The following PHF14 variants were observed in gnomAD, a reference collection of about 807,000 sequenced individuals.
The protein encoded by PHF14 is PHD finger protein 14.
Under a neutral mutation model 117.9 loss-of-function variants are expected in PHF14, and 55 were observed. That is an observed-to-expected ratio of 0.47 (90% CI 0.38 to 0.58). The LOEUF (loss-of-function observed/expected upper bound fraction) is 0.58. Among genes scored for constraint, PHF14 ranks in the 20% least tolerant of loss-of-function variants. PHF14 has a pLI of 0.00. For synonymous variants in PHF14, 409 were observed against 368.6 expected (o/e 1.11, Z -1.26); for missense variants, 978 against 1,122.2 (o/e 0.87, Z 1.84).
chr7:11,057,414 G>T (rs566920930), intron 14 of PHF14, among the ~76,000 whole-genome samples: 2 of 151,652 alleles, frequency 1.3e-5, no homozygotes, highest in South Asian at 2.1e-4. Flanking sequence ...TTGCTCTGTC[G>T]CCCAGGCTGG....
At chr7:11,139,689 G>A (rs1206904022) in intron 17 of PHF14, among the ~76,000 whole-genome samples, 3 of 152,150 alleles carry the variant, frequency 2.0e-5, no homozygotes, top group Non-Finnish European at 2.9e-5. Context: ...TTGTGTGTCA[G>A]TCATTTACCT....
rs1240739483 is a variant in PHF14 at position 11,130,548 on chromosome 7, G to C, written c.2772+19081G>C. On this transcript the variant is annotated intron_variant, in intron 17 of 17. Transcript: ENST00000634607. The surrounding 1 kb of genome is among the most constrained non-coding windows in gnomAD (Gnocchi z 4.2). ...GCAGTTTTAGGTTTATAGAAAAATG[G>C]AGTTAAAACTACAGATTTCCCATAT... Among the ~76,000 whole-genome samples the C allele has an allele frequency of 6.6e-6, 1 of 151,560 alleles. No individual in the cohort carries two copies. Among genetic ancestry groups the C allele is most frequent in the Non-Finnish European group, 1.5e-5 (1 of 67,764 alleles).
At chr7:11,035,192 A>G (rs938737095) in intron 7 of PHF14, among the ~76,000 whole-genome samples, 2 of 152,020 alleles carry the variant, frequency 1.3e-5, no homozygotes, top group Non-Finnish European at 2.9e-5. Flanking sequence ...ACATTTGTGT[A>G]TTAGGTATTA....
chr7:11,078,443 G>A (rs1159210841), intron 16 of PHF14, among the ~76,000 whole-genome samples: 1 of 152,102 alleles, frequency 6.6e-6, no homozygotes, highest in Non-Finnish European at 1.5e-5. Flanking sequence ...GGGAGAGGCT[G>A]TATAACCATG....
intron 17 of PHF14, among the ~76,000 whole-genome samples, chr7:11,124,995 G>A (rs1371592828): frequency 2.0e-5 from 3 of 152,080 alleles, no homozygotes; most frequent in African/African-American, 2.4e-5. Flanking sequence ...TATGGTGTGG[G>A]AAGATGAATG....
intron 16 of PHF14, among the ~76,000 whole-genome samples, chr7:11,088,754 C>T (rs927945699): frequency 8.6e-5 from 13 of 151,894 alleles, no homozygotes; most frequent in South Asian, 4.1e-4. Flanking sequence ...TATAACTCCC[C>T]AAATTAAAAC....
chr7:11,040,190 T>C (rs1317549996), intron 11 of PHF14, among the ~76,000 whole-genome samples: 1 of 152,090 alleles, frequency 6.6e-6, no homozygotes, highest in Non-Finnish European at 1.5e-5. Flanking sequence ...TGATAGATGG[T>C]TGCTGTCTGA....
intron 17 of PHF14, among the ~76,000 whole-genome samples, chr7:11,124,369 T>C (rs903606330): frequency 6.6e-6 from 1 of 152,156 alleles, no homozygotes; most frequent in Non-Finnish European, 1.5e-5. Context: ...TTAAATACTC[T>C]TACATAATCT....
At chr7:10,992,937 A>G (rs910216883) in intron 4 of PHF14, among the ~76,000 whole-genome samples, 8 of 147,430 alleles carry the variant, frequency 5.4e-5, no homozygotes, top group African/African-American at 2.0e-4. Context: ...AGTTTTTTTT[A>G]TTTTGGTTTG....
chr7:11,077,273 G>A (rs771126857), intron 16 of PHF14, among the ~76,000 whole-genome samples: 2 of 151,490 alleles, frequency 1.3e-5, no homozygotes, highest in Non-Finnish European at 2.9e-5. Context: ...AGAAACGTAA[G>A]CATTTGAATT....
chr7:11,145,682 A>T (rs1476551527), intron 17 of PHF14, among the ~76,000 whole-genome samples: 1 of 152,072 alleles, frequency 6.6e-6, no homozygotes, highest in Admixed American at 6.6e-5. Context: ...TTTCTGATCA[A>T]ATAACTATGC....
Position 11,045,063 on chromosome 7 carries a change from C to G in PHF14, c.2312+2249C>G, listed in dbSNP as rs552060692. 2.6e-5 allele frequency among the ~76,000 whole-genome samples: 4 copies of G among 152,230 alleles called. No homozygotes were observed. The East Asian group carries it at 5.8e-4, about 22-fold the overall frequency. ...TAGTTGCTACTACACACCCTTTTCC[C>G]CATCCTACATTCTGTGATGCCATGT... On this transcript the variant is annotated intron_variant, in intron 13 of 17. Coordinates refer to ENST00000634607, the MANE Select transcript of PHF14 (RefSeq NM_001007157.2).
chr7:10,975,120 A>G (rs1781815672), intron 2 of PHF14, among the ~76,000 whole-genome samples, 175 bp downstream of exon 2: 1 of 152,210 alleles, frequency 6.6e-6, no homozygotes, highest in Non-Finnish European at 1.5e-5. Context: ...TAGACCTATA[A>G]TTGCTTCTGT....
At chr7:11,104,715 C>T in intron 16 of PHF14, 1 of 741,866 alleles carries the variant, frequency 1.3e-6, no homozygotes. Context: ...CAGGTGACTA[C>T]CCTATTCCTC....
intron 12 of PHF14, 30 bp downstream of exon 12, chr7:11,040,805 A>G (rs748086948): frequency 2.7e-6 from 3 of 1,093,486 alleles, no homozygotes; most frequent in Non-Finnish European, 3.9e-6. Context: ...ATGATAGAAT[A>G]ATGTTGTGTA....
intron 3 of PHF14, among the ~76,000 whole-genome samples, chr7:10,985,928 C>T (rs1308217034): frequency 2.6e-5 from 4 of 152,012 alleles, no homozygotes; most frequent in Non-Finnish European, 5.9e-5. Context: ...GCTGGGATTA[C>T]AGGCATGAGC....
chr7:11,058,199 G>A (rs1268832741), intron 14 of PHF14, among the ~76,000 whole-genome samples: 1 of 152,178 alleles, frequency 6.6e-6, no homozygotes, highest in East Asian at 1.9e-4. Flanking sequence ...GATGGGACAA[G>A]CTCTTTGGTA....
At chr7:11,098,759 G>A (rs1305958658) in intron 16 of PHF14, among the ~76,000 whole-genome samples, 1 of 152,146 alleles carries the variant, frequency 6.6e-6, no homozygotes, top group Non-Finnish European at 1.5e-5. Flanking sequence ...CTTACACACA[G>A]AACAGTGTAA....
rs567409954 is a variant in PHF14 at position 10,973,967 on chromosome 7, G to C, written c.-357G>C. The C allele has an allele frequency of 4.3e-6, 1 of 232,518 alleles. No individual in the cohort carries two copies. Among genetic ancestry groups the C allele is most frequent in the African/African-American group, 2.3e-5 (1 of 43,428 alleles). 14.4% of individuals were successfully genotyped at this position (232,518 alleles called of 1,614,324 possible). ...CAATTTCTGGTCTTTCGTTGCTTCT[G>C]GTCCAGGCTAATAAAGTTTTTCTTT... On this transcript the variant is annotated 5_prime_UTR_variant, in exon 1 of 18. Coordinates refer to ENST00000634607, the MANE Select transcript of PHF14 (RefSeq NM_001007157.2).
Sources: allele counts gnomAD v4.1 joint callset (sites outside exome capture counted in the v4.1 genomes callset), GRCh38; gene constraint gnomAD v4.1.1; non-coding constraint Gnocchi (gnomAD v3.1); transcripts MANE v1.5; gene names NCBI Gene and HGNC (gene_info 2026-07-23, HGNC 2026-07-21).